Variants in NCALD observed in about 807,000 individuals in gnomAD.
The protein encoded by NCALD is neurocalcin delta.
In NCALD, 10 loss-of-function variants were observed where a neutral mutation model predicts 18.6. That is an observed-to-expected ratio of 0.54 (90% CI 0.33 to 0.91). The LOEUF is 0.91. Ranked by LOEUF, NCALD falls within the 40% of genes least tolerant of loss-of-function variation. NCALD has a pLI of 0.03. For synonymous variants in NCALD, 88 were observed against 87.4 expected (o/e 1.01, Z -0.04); for missense variants, 184 against 247.6 (o/e 0.74, Z 1.72).
chr8:101,918,933 G>A (rs1266407137), intron 2 of NCALD, among the ~76,000 whole-genome samples: 3 of 152,044 alleles, frequency 2.0e-5, no homozygotes, highest in African/African-American at 7.2e-5. Flanking sequence ...CATATTACCC[G>A]AAGCAATCTA....
At chr8:101,692,548 G>A (rs891151296) in intron 3 of NCALD, 1 of 985,404 alleles carries the variant, frequency 1.0e-6, no homozygotes, top group East Asian at 1.1e-4. Context: ...GATCCATTCT[G>A]TTTTCTTGGA....
chr8:102,035,273 A>G (rs1423886134), intron 1 of NCALD, among the ~76,000 whole-genome samples: 2 of 152,130 alleles, frequency 1.3e-5, no homozygotes, highest in Non-Finnish European at 2.9e-5. Context: ...CTGTAATAAC[A>G]AAGCTCTTCC....
chr8:102,096,926 A>T (rs963922049), intron 1 of NCALD, among the ~76,000 whole-genome samples: 5 of 152,124 alleles, frequency 3.3e-5, no homozygotes, highest in Non-Finnish European at 4.4e-5. Flanking sequence ...TAACAAGATG[A>T]CCTCATTTTA....
chr8:101,809,517 T>C (rs1236701209), intron 4 of NCALD, among the ~76,000 whole-genome samples: 1 of 152,180 alleles, frequency 6.6e-6, no homozygotes, highest in East Asian at 1.9e-4. Context: ...ACAAATGTTA[T>C]AATAGAATCT....
intron 1 of NCALD, among the ~76,000 whole-genome samples, chr8:102,054,285 C>A (rs1329667350): frequency 6.6e-6 from 1 of 152,112 alleles, no homozygotes; most frequent in Non-Finnish European, 1.5e-5. Flanking sequence ...TGGTCGAACG[C>A]CAGTCTAGAT....
At chr8:101,880,239 T>TG (rs963964836) in intron 4 of NCALD, among the ~76,000 whole-genome samples, 6 of 152,122 alleles carry the variant, frequency 3.9e-5, no homozygotes, top group African/African-American at 1.4e-4. Flanking sequence ...CTGCTGGCCC[T>TG]GGTGCTAAGC....
intron 1 of NCALD, among the ~76,000 whole-genome samples, chr8:102,031,136 C>T (rs1721193604): frequency 6.6e-6 from 1 of 152,074 alleles, no homozygotes; most frequent in Admixed American, 6.6e-5. Context: ...TTGATCAAAC[C>T]TCAAATTCCA....
At chr8:102,111,874 G>T (rs2132453413) in intron 1 of NCALD, among the ~76,000 whole-genome samples, 1 of 152,160 alleles carries the variant, frequency 6.6e-6, no homozygotes, top group Non-Finnish European at 1.5e-5. Context: ...GGGAAGAAAA[G>T]ACCCCAAATA....
chr8:101,769,837 G>C (rs1811509594), intron 1 of NCALD, among the ~76,000 whole-genome samples: 1 of 152,178 alleles, frequency 6.6e-6, no homozygotes, highest in Non-Finnish European at 1.5e-5. Flanking sequence ...GGGATGCGGA[G>C]AATCAGGTAA....
At chr8:101,961,505 T>TA (rs1819834095) in intron 2 of NCALD, among the ~76,000 whole-genome samples, 1 of 152,184 alleles carries the variant, frequency 6.6e-6, no homozygotes, top group Non-Finnish European at 1.5e-5. Context: ...CCTTTGTTGG[T>TA]AAAAACTGAA....
chr8:101,768,309 T>G (rs1811433701), intron 1 of NCALD, among the ~76,000 whole-genome samples: 1 of 152,216 alleles, frequency 6.6e-6, no homozygotes, highest in African/African-American at 2.4e-5. Flanking sequence ...ACAGGAAGTC[T>G]GGCTGCAGGA....
At chr8:101,794,269 A>T (rs1216656402), upstream of NCALD, among the ~76,000 whole-genome samples, 5 of 152,190 alleles carry the variant, frequency 3.3e-5, no homozygotes, top group Non-Finnish European at 7.3e-5. Context: ...ACAACACTAC[A>T]GTTAGCACAC....
chr8:101,904,979 G>C (rs1366636043), intron 3 of NCALD, among the ~76,000 whole-genome samples: 1 of 152,048 alleles, frequency 6.6e-6, no homozygotes. Context: ...ATCAAAGGTG[G>C]CCACATTTAG....
chr8:102,097,516 G>C (rs895746689), intron 1 of NCALD, among the ~76,000 whole-genome samples: 1 of 152,132 alleles, frequency 6.6e-6, no homozygotes, highest in African/African-American at 2.4e-5. Flanking sequence ...ATTTATTCCA[G>C]ATCCCTTCCC....
rs866937048 is a variant in NCALD, at chr8:101,895,935, C to T, written c.-106-8708G>A. 3.0e-3 allele frequency among the ~76,000 whole-genome samples: 451 copies of T among 150,772 alleles called. 1 individual carries two copies. Among genetic ancestry groups the T allele is most frequent in the African/African-American group, 0.011 (431 of 40,306 alleles). On this transcript the variant is annotated intron_variant, in intron 3 of 6. Transcript: ENST00000311028. ...AATCAATATCGTGAAAATGGCCATACTGCCCAAGGTAATTTATAGATTCAG... is the reference window on the plus strand; with the variant it reads ...AATCAATATCGTGAAAATGGCCATATTGCCCAAGGTAATTTATAGATTCAG...
chr8:101,768,573 G>A (rs905096791), intron 1 of NCALD, among the ~76,000 whole-genome samples: 1 of 152,156 alleles, frequency 6.6e-6, no homozygotes, highest in Non-Finnish European at 1.5e-5. Flanking sequence ...GCCAGGTGTG[G>A]TGGTGCATGC....
intron 1 of NCALD, among the ~76,000 whole-genome samples, chr8:101,742,143 T>C (rs1297943038): frequency 4.7e-5 from 7 of 148,190 alleles, no homozygotes; most frequent in Non-Finnish European, 4.5e-5. Context: ...ATCCCAGCTA[T>C]GTGGGAGGCT....
At chr8:102,075,951 C>CAAA (rs754804423) in intron 1 of NCALD, among the ~76,000 whole-genome samples, 1 of 121,420 alleles carries the variant, frequency 8.2e-6, no homozygotes, top group Non-Finnish European at 1.8e-5. Context: ...GATTCTGTCT[C>CAAA]AAAAAAAAAA....
chr8:101,784,783 A>G (rs1812155965), intron 1 of NCALD, among the ~76,000 whole-genome samples: 1 of 152,184 alleles, frequency 6.6e-6, no homozygotes, highest in Admixed American at 6.5e-5. Context: ...TGGGCAACAG[A>G]GTGAGAACCC....
Sources: allele counts gnomAD v4.1 joint callset (sites outside exome capture counted in the v4.1 genomes callset), GRCh38; gene constraint gnomAD v4.1.1; transcripts MANE v1.5; gene names NCBI Gene and HGNC (gene_info 2026-07-23, HGNC 2026-07-21).